LGI2: variants seen among roughly 807,000 people sequenced by gnomAD.
LGI2 encodes leucine rich repeat LGI family member 2.
LGI2 carries 30 observed loss-of-function variants against 52.0 expected under a neutral mutation model. The ratio of observed to expected loss-of-function variants is 0.58; its 90% CI spans 0.43 to 0.78. The LOEUF (loss-of-function observed/expected upper bound fraction) is 0.78. Among genes scored for constraint, LGI2 ranks in the 30% least tolerant of loss-of-function variants. The pLI is 0.00. For synonymous variants in LGI2, 270 were observed against 271.8 expected, an observed-to-expected ratio of 0.99 and a Z score of 0.06; for missense variants, 573 against 692.5, an observed-to-expected ratio of 0.83 and a Z score of 1.94.
At chr4:25,026,832 C>T (rs747628025) in intron 3 of LGI2, 36 bp downstream of exon 3, 14 of 1,501,958 alleles carry the variant, frequency 9.3e-6, no homozygotes, top group African/African-American at 2.8e-5. Flanking sequence ...ACCAAGATAC[C>T]GAATGTTCAG....
At chr4:25,016,743 C>T in intron 6 of LGI2, among the ~76,000 whole-genome samples, 1 of 152,204 alleles carries the variant, frequency 6.6e-6, no homozygotes. Context: ...GTAGCGGGGA[C>T]TGGCCTAAAT....
chr4:25,013,549 C>G (rs1725656880), intron 6 of LGI2, among the ~76,000 whole-genome samples: 1 of 152,196 alleles, frequency 6.6e-6, no homozygotes, highest in South Asian at 2.1e-4. Context: ...GGCTAAGGCA[C>G]TGGGATCCCA....
chr4:25,023,300 T>C (rs975806134), intron 4 of LGI2, among the ~76,000 whole-genome samples: 1 of 152,162 alleles, frequency 6.6e-6, no homozygotes, highest in East Asian at 1.9e-4. Context: ...CCTATACGAC[T>C]CCAAGCCCAC....
chr4:25,026,814 G>A, intron 3 of LGI2, 54 bp downstream of exon 3: 2 of 1,416,508 alleles, frequency 1.4e-6, no homozygotes, highest in Non-Finnish European at 2.0e-6. Context: ...AACCAATCCA[G>A]AAATTCTACC....
chr4:24,998,880 C>T lies in LGI2; in HGVS notation c.*4571G>A, dbSNP rs1419685716. ...GAACCACTTTTTATTCATAGGCTTACCGAATATATTGAATTAAGAGGCATA... is the reference window on the plus strand; with the variant it reads ...GAACCACTTTTTATTCATAGGCTTATCGAATATATTGAATTAAGAGGCATA... On this transcript the variant is annotated 3_prime_UTR_variant, in exon 8 of 8. Transcript: ENST00000382114. 2 of 152,128 alleles carry T rather than the reference C, an allele frequency of 1.3e-5. No homozygotes were observed. The highest frequency in any genetic ancestry group is 4.8e-5 in the African/African-American group (2 of 41,410). The allele number at this position is 152,128 out of a possible 1,614,324, so 9.4% of individuals were successfully genotyped here. A position where few individuals can be genotyped will look rare whatever the true frequency, so the allele number is the denominator to read the frequency against.
At chr4:24,995,168 CTCTT>C (rs1273856055), downstream of LGI2, among the ~76,000 whole-genome samples, 2 of 152,178 alleles carry the variant, frequency 1.3e-5, no homozygotes, top group Non-Finnish European at 2.9e-5. Flanking sequence ...TGACGTCTCT[CTCTT>C]AAACAGTGTG....
intron 4 of LGI2, among the ~76,000 whole-genome samples, chr4:25,020,604 T>C (rs767786466): frequency 6.6e-6 from 1 of 152,214 alleles, no homozygotes; most frequent in Non-Finnish European, 1.5e-5. Flanking sequence ...ATTTAAGATA[T>C]CTATGAAATG....
intron 7 of LGI2, among the ~76,000 whole-genome samples, chr4:25,005,658 G>A (rs937468065): frequency 6.6e-6 from 1 of 152,010 alleles, no homozygotes; most frequent in Non-Finnish European, 1.5e-5. Flanking sequence ...GGGGTTGCGG[G>A]GGGTAAGGGA....
At chr4:25,025,400 G>A (rs914591100) in intron 3 of LGI2, among the ~76,000 whole-genome samples, 3 of 152,102 alleles carry the variant, frequency 2.0e-5, no homozygotes, top group South Asian at 2.1e-4. Flanking sequence ...TGAGTTTATC[G>A]TGTCCTACAC....
At chr4:25,008,152 T>C (rs1418754930) in intron 7 of LGI2, among the ~76,000 whole-genome samples, 1 of 152,200 alleles carries the variant, frequency 6.6e-6, no homozygotes, top group Non-Finnish European at 1.5e-5. Flanking sequence ...TGCTGGTCTC[T>C]GCATTCCCTA....
Position 25,003,269 on chromosome 4 carries a change from G to C in LGI2, c.*182C>G, listed in dbSNP as rs1725299564. The C allele has an allele frequency of 5.6e-6, 3 of 534,286 alleles. No individual in the cohort carries two copies. The highest frequency in any genetic ancestry group is 9.7e-6 in the Non-Finnish European group (3 of 307,976). The allele number at this position is 534,286 out of a possible 1,614,324, so 33.1% of individuals were successfully genotyped here. A position where few individuals can be genotyped will look rare whatever the true frequency, so the allele number is the denominator to read the frequency against. The stretch of plus-strand genomic sequence containing the variant: ...AATGGTAGAATGGGCATGTCATGCA[G>C]TTAGCCAATAAATGCAATCCCTGAT... On this transcript the variant is annotated 3_prime_UTR_variant, in exon 8 of 8. Coordinates refer to ENST00000382114, the MANE Select transcript of LGI2 (RefSeq NM_018176.4).
chr4:25,007,703 A>G (rs1377137624), intron 7 of LGI2, among the ~76,000 whole-genome samples: 1 of 151,834 alleles, frequency 6.6e-6, no homozygotes, highest in Non-Finnish European at 1.5e-5. Flanking sequence ...AAAATTGAGA[A>G]AGCCAAGATG....
At chr4:25,019,266 T>G (rs1271081526) in intron 4 of LGI2, 28 bp from the exon 5 acceptor site, 1 of 1,477,642 alleles carries the variant, frequency 6.8e-7, no homozygotes, top group Admixed American at 1.7e-5. Context: ...CATTGCAATG[T>G]GATTATTATC....
chr4:25,015,949 C>T (rs185269103), intron 6 of LGI2, among the ~76,000 whole-genome samples: 2 of 152,264 alleles, frequency 1.3e-5, no homozygotes, highest in East Asian at 3.9e-4. Context: ...AGCACAAAGC[C>T]AGAATTATCA....
downstream of LGI2, among the ~76,000 whole-genome samples, chr4:24,998,165 C>T (rs1021837621): frequency 6.6e-6 from 1 of 152,268 alleles, no homozygotes; most frequent in Non-Finnish European, 1.5e-5. Flanking sequence ...TTTGAGCCAC[C>T]GTGCTTGGAC....
chr4:25,024,782 C>T (rs372420853), intron 4 of LGI2, 38 bp downstream of exon 4: 4 of 1,401,046 alleles, frequency 2.9e-6, no homozygotes, highest in Non-Finnish European at 3.9e-6. Flanking sequence ...TCTTACTCCA[C>T]ATATTAGAGG....
Position 25,028,537 on chromosome 4 carries a change from A to G in LGI2, c.239T>C (p.Met80Thr). ...NGTFSEIKDR[M>T]FSHLPSLQLL... ...CTGCAGAGAAGGCAGATGGGAAAAC[A>G]TTCGGTCCTTGATTTCTGAAAACGT... The change falls in exon 2 of 8, where the codon ATG (methionine) becomes ACG (threonine). Residue 80 changes from methionine to threonine, a missense_variant. Coordinates refer to ENST00000382114, the MANE Select transcript of LGI2 (RefSeq NM_018176.4). 6.2e-7 allele frequency: 1 copy of G among 1,613,588 alleles called. No homozygotes were observed. Among genetic ancestry groups the G allele is most frequent in the Non-Finnish European group, 8.5e-7 (1 of 1,179,896 alleles).
At position 25,003,718 on chromosome 4, in the gene LGI2, T is replaced by G. The variant is rs754207559; in HGVS notation, c.1371A>C (p.Gln457His). 7 of 1,614,060 alleles carry G rather than the reference T, an allele frequency of 4.3e-6. No individual in the cohort carries two copies. The highest frequency in any genetic ancestry group is 5.9e-6 in the Non-Finnish European group (7 of 1,180,040). ...RWNSKQFVEI[Q>H]ALPSRGAMTL... Reference sequence around the variant, plus strand: ...TCATGGCCCCCCGGGATGGAAGAGCTTGGATCTCCACAAACTGCTTACTGT... The same window carrying G: ...TCATGGCCCCCCGGGATGGAAGAGCGTGGATCTCCACAAACTGCTTACTGT... The change falls in exon 8 of 8, where the codon CAA becomes CAC. Residue 457 changes from glutamine (Q) to histidine (H), a missense_variant. By Grantham distance (24) the Gln-to-His change is conservative (BLOSUM62 0). Coordinates refer to ENST00000382114, the MANE Select transcript of LGI2 (RefSeq NM_018176.4).
At chr4:25,015,827 G>A (rs569342351) in intron 6 of LGI2, among the ~76,000 whole-genome samples, 1 of 152,226 alleles carries the variant, frequency 6.6e-6, no homozygotes, top group African/African-American at 2.4e-5. Context: ...TACACAGCGG[G>A]GCCTATGTTT....
Sources: allele counts gnomAD v4.1 joint callset (sites outside exome capture counted in the v4.1 genomes callset), GRCh38; gene constraint gnomAD v4.1.1; transcripts MANE v1.5; gene names NCBI Gene and HGNC (gene_info 2026-07-23, HGNC 2026-07-21).